The following APTX variants were observed in gnomAD, a reference collection of about 807,000 sequenced individuals.
The protein encoded by APTX is forkhead-associated domain histidine triad-like protein.
APTX carries 33 observed loss-of-function variants against 42.3 expected under a neutral mutation model. The observed-to-expected ratio is 0.78, with a 90% confidence interval of 0.59 to 1.04. The LOEUF (loss-of-function observed/expected upper bound fraction) is 1.04, where lower values mean the gene tolerates loss of function less well. APTX is among the 50% of genes least tolerant of loss of function. APTX has a pLI of 0.00. For missense variants in APTX, 421 were observed against 415.1 expected, an observed-to-expected ratio of 1.01 and a Z score of -0.12; for synonymous variants, 130 against 146.7, an observed-to-expected ratio of 0.89 and a Z score of 0.82.
intron 6 of APTX, 94 bp from the exon 7 acceptor site, chr9:32,974,655 C>T (rs1361310116): frequency 2.5e-5 from 18 of 723,464 alleles, no homozygotes; most frequent in Non-Finnish European, 4.5e-5. Flanking sequence ...TATATTCATA[C>T]TATTGAATAC....
intron 1 of APTX, among the ~76,000 whole-genome samples, chr9:32,990,768 G>C (rs1391561308): frequency 6.6e-6 from 1 of 152,202 alleles, no homozygotes; most frequent in Non-Finnish European, 1.5e-5. Context: ...TTGCCTGCCA[G>C]AGAACTAAGG....
chr9:33,006,549 T>C (rs1404466405), upstream of APTX, among the ~76,000 whole-genome samples: 7 of 152,128 alleles, frequency 4.6e-5, no homozygotes, highest in East Asian at 1.9e-4. Context: ...GAGGCTGTGG[T>C]TGCCTGGTCC....
intron 1 of APTX, among the ~76,000 whole-genome samples, chr9:33,000,048 G>A (rs1038218474): frequency 6.6e-6 from 1 of 152,174 alleles, no homozygotes; most frequent in Non-Finnish European, 1.5e-5. Context: ...GAACAGTGGC[G>A]AAGATCAAGG....
chr9:32,989,553 C>T, intron 2 of APTX: 6 of 774,520 alleles, frequency 7.7e-6, no homozygotes, highest in African/African-American at 1.7e-5. Context: ...TCCCAACCTT[C>T]ACCCACCCTG....
intron 1 of APTX, among the ~76,000 whole-genome samples, chr9:33,024,623 C>T (rs1024452867): frequency 2.6e-5 from 4 of 152,170 alleles, no homozygotes; most frequent in Non-Finnish European, 4.4e-5. Context: ...CAGTCCCAGA[C>T]ACACTGAGCT....
chr9:32,991,872 G>C (rs954722039), intron 1 of APTX, among the ~76,000 whole-genome samples: 4 of 152,082 alleles, frequency 2.6e-5, no homozygotes, highest in African/African-American at 9.7e-5. Context: ...GACATAATTT[G>C]GGGATAAAAA....
chr9:32,978,578 C>T (rs1829990039), intron 6 of APTX, among the ~76,000 whole-genome samples: 1 of 152,152 alleles, frequency 6.6e-6, no homozygotes. Context: ...CCCAGCAACA[C>T]TATCTGTGAA....
intron 3 of APTX, 40 bp downstream of exon 3, chr9:32,988,043 A>AGT (rs750499052): frequency 3.9e-5 from 63 of 1,600,700 alleles, no homozygotes; most frequent in Non-Finnish European, 4.5e-5. Flanking sequence ...AGCATAAGAA[A>AGT]ATCATCGAGT....
intron 1 of APTX, 46 bp downstream of exon 1, chr9:33,001,521 G>C (rs749617744): frequency 5.6e-6 from 9 of 1,612,650 alleles, no homozygotes; most frequent in Non-Finnish European, 7.6e-6. Flanking sequence ...CTCACCCGCG[G>C]CATTGAGCCC....
intron 1 of APTX, among the ~76,000 whole-genome samples, chr9:33,013,770 C>A (rs998480290): frequency 6.6e-6 from 1 of 152,226 alleles, no homozygotes; most frequent in Admixed American, 6.5e-5. Flanking sequence ...CGCCACTGCA[C>A]TCCAGCCTGG....
intron 1 of APTX, among the ~76,000 whole-genome samples, chr9:33,006,913 A>G (rs965638362): frequency 6.7e-6 from 1 of 149,430 alleles, no homozygotes; most frequent in African/African-American, 2.5e-5. Flanking sequence ...GGCAGGAGAA[A>G]GGTGTGAACC....
chr9:33,004,718 C>T (rs997848307), upstream of APTX, among the ~76,000 whole-genome samples: 1 of 151,252 alleles, frequency 6.6e-6, no homozygotes, highest in South Asian at 2.1e-4. Flanking sequence ...CTGCAACCTC[C>T]ACCTCGCGGC....
At chr9:33,005,425 TTTG>T (rs759768762), upstream of APTX, among the ~76,000 whole-genome samples, 6 of 152,040 alleles carry the variant, frequency 3.9e-5, no homozygotes, top group Non-Finnish European at 8.8e-5. Flanking sequence ...GTTTTATTTT[TTTG>T]TTTTTTGTTT....
Position 32,992,951 on chromosome 9 carries a change from G to A in APTX, c.-4-3056C>T, listed in dbSNP as rs184440286. Among the ~76,000 whole-genome samples, 7 of 152,320 alleles carry A rather than the reference G, an allele frequency of 4.6e-5. No homozygotes were observed. The South Asian group carries it at 1.2e-3, about 27-fold the overall frequency. On this transcript the variant is annotated intron_variant, in intron 1 of 7. Transcript: ENST00000379817. Reference sequence around the variant, plus strand: ...CACTTTTAAATGCTATGCGTTCCAAGGGGCATCTGTTTGCACTTGCTGGAA... The same window carrying A: ...CACTTTTAAATGCTATGCGTTCCAAAGGGCATCTGTTTGCACTTGCTGGAA...
chr9:33,001,666 T>C (rs541843741), upstream of APTX: 57 of 1,602,604 alleles, frequency 3.6e-5, no homozygotes, highest in Middle Eastern at 3.3e-4. Flanking sequence ...TCGCGACCAG[T>C]GACGTCACCA....
Position 33,001,182 on chromosome 9 carries a change from GT to G in APTX, c.-5+384del. ...TCTTCTGGCATTCCCTACAAGGCCT[GT>G]TGAGGATGCTGCTAAGGTCCCTCAA... On this transcript the variant is annotated intron_variant, in intron 1 of 7. Coordinates refer to ENST00000379817, the MANE Select transcript of APTX (RefSeq NM_001195248.2). 1.9e-5 allele frequency: 8 copies of G among 426,624 alleles called. 2 individuals are homozygous for G. The highest frequency in any genetic ancestry group is 2.4e-5 in the Non-Finnish European group (7 of 292,556). The allele number at this position is 426,624 out of a possible 1,614,324, so 26.4% of individuals were successfully genotyped here. A position where few individuals can be genotyped will look rare whatever the true frequency, so the allele number is the denominator to read the frequency against.
Position 32,984,814 on chromosome 9 carries a change from G to A in APTX, c.587C>T (p.Pro196Leu). Residue 196 changes from proline to leucine, a missense_variant, in exon 6 of 8, where the codon CCA becomes CTA. Transcript: ENST00000379817. ...GACCAGCCAATGGTAACGGGCCTTT[G>A]GGTATTTATCCTTTATCACCACCAC... ...EQVVVIKDKYPKARYHWLVLP... is the reference protein window; with the variant it reads ...EQVVVIKDKYLKARYHWLVLP... The A allele has an allele frequency of 2.5e-6, 4 of 1,614,180 alleles. No individual in the cohort carries two copies. Among genetic ancestry groups the A allele is most frequent in the Non-Finnish European group, 3.4e-6 (4 of 1,180,038 alleles).
In APTX at chr9:32,989,901, G is replaced by T; in HGVS notation, c.-4-6C>A. 6.2e-7 allele frequency: 1 copy of T among 1,613,236 alleles called. No homozygotes were observed. Among genetic ancestry groups the T allele is most frequent in the Admixed American group, 1.7e-5 (1 of 59,846 alleles). On this transcript the variant is annotated splice_polypyrimidine_tract_variant and splice_region_variant and intron_variant, in intron 1 of 7. Transcript: ENST00000379817. ...AGCACACCCGCATCATCACTCTAAG[G>T]GACAAAACAAAAGAATCACTAGAAA...
At chr9:32,997,170 C>T (rs1433347136) in intron 1 of APTX, 2 of 152,042 alleles carry the variant, frequency 1.3e-5, no homozygotes, top group Non-Finnish European at 2.9e-5. Context: ...CATTCTAGTA[C>T]TGGGAATAAA....
Sources: gnomAD v4.1 joint callset for allele counts (sites outside exome capture counted in the v4.1 genomes callset) on GRCh38, gnomAD v4.1.1 for gene constraint, MANE v1.5 for transcripts, NCBI Gene and HGNC (gene_info 2026-07-23, HGNC 2026-07-21) for gene names.